Variants in KANSL1 observed in about 807,000 individuals in gnomAD.
The protein encoded by KANSL1 is KAT8 regulatory NSL complex subunit 1.
Under a neutral mutation model 103.6 loss-of-function variants are expected in KANSL1, and 22 were observed. The ratio of observed to expected loss-of-function variants is 0.21; its 90% CI spans 0.15 to 0.30. KANSL1 has a LOEUF of 0.30. Among genes scored for constraint, KANSL1 ranks in the 10% least tolerant of loss-of-function variants. The probability of loss-of-function intolerance (pLI) is 1.00; values close to 1 mark genes in which losing one functional copy is unlikely to be tolerated. For synonymous variants in KANSL1, 600 were observed against 527.6 expected, an observed-to-expected ratio of 1.14 and a Z score of -1.88; for missense variants, 1,337 against 1,399.8, an observed-to-expected ratio of 0.96 and a Z score of 0.72.
intron 2 of KANSL1, among the ~76,000 whole-genome samples, chr17:46,160,977 A>T (rs1056978311): frequency 1.3e-5 from 2 of 152,214 alleles, no homozygotes; most frequent in Non-Finnish European, 2.9e-5. Context: ...TATCTATCTC[A>T]TTGTACTGTT....
In KANSL1 at chr17:46,094,800, G is replaced by A. The variant is rs146462740; in HGVS notation, c.1290-99C>T. 4,599 of 1,388,088 alleles carry A rather than the reference G, an allele frequency of 3.3e-3. 61 individuals are homozygous for A. The East Asian group carries it at 0.039, about 12-fold the overall frequency. The allele number at this position is 1,388,088 out of a possible 1,614,324, so 86.0% of individuals were successfully genotyped here. Reference sequence around the variant, plus strand: ...AATTTAACTTTTAAAGGCCCTTGCAGAGACTAACTCTAGTGTCAAGAAAAA... The same window carrying A: ...AATTTAACTTTTAAAGGCCCTTGCAAAGACTAACTCTAGTGTCAAGAAAAA... On this transcript the variant is annotated intron_variant, in intron 2 of 14. Coordinates refer to ENST00000432791, the MANE Select transcript of KANSL1 (RefSeq NM_015443.4).
At chr17:46,175,295 G>A (rs984861304) in intron 1 of KANSL1, among the ~76,000 whole-genome samples, 27 of 149,588 alleles carry the variant, frequency 1.8e-4, no homozygotes, top group Non-Finnish European at 3.5e-4. Flanking sequence ...CATATGGGTC[G>A]AATCTGTCTT....
At chr17:46,060,927 C>A (rs978505758) in intron 6 of KANSL1, among the ~76,000 whole-genome samples, 3 of 152,118 alleles carry the variant, frequency 2.0e-5, no homozygotes, top group Admixed American at 6.5e-5. Flanking sequence ...AGCAATCCCC[C>A]CTATGACAAC....
chr17:46,135,695 CTTTTTTTTTTTTT>C (rs35094789), intron 2 of KANSL1, among the ~76,000 whole-genome samples: 28 of 84,424 alleles, frequency 3.3e-4, no homozygotes, highest in Admixed American at 1.4e-3. Flanking sequence ...CCATGCCTGG[CTTTTTTTTTTTTT>C]TTTTTTTTTT....
At chr17:46,134,258 G>A (rs147735580) in intron 2 of KANSL1, among the ~76,000 whole-genome samples, 34 of 152,172 alleles carry the variant, frequency 2.2e-4, no homozygotes, top group Admixed American at 2.0e-3. Context: ...CTAGCTGAGC[G>A]TGGTGGCAGG....
chr17:46,190,367 G>C (rs1597927662), intron 1 of KANSL1, among the ~76,000 whole-genome samples: 1 of 152,204 alleles, frequency 6.6e-6, no homozygotes, highest in East Asian at 1.9e-4. Context: ...AACATGTGTA[G>C]GCAGGAAGAA....
At chr17:46,126,479 C>G (rs927701268) in intron 2 of KANSL1, among the ~76,000 whole-genome samples, 4 of 148,106 alleles carry the variant, frequency 2.7e-5, no homozygotes, top group Non-Finnish European at 6.1e-5. Flanking sequence ...CACTAGACCA[C>G]ACTGCTTTTC....
intron 6 of KANSL1, among the ~76,000 whole-genome samples, chr17:46,051,651 C>T (rs1373497987): frequency 6.6e-6 from 1 of 152,130 alleles, no homozygotes; most frequent in African/African-American, 2.4e-5. Flanking sequence ...ACACACAGCC[C>T]CAGAAAAAGA....
chr17:46,173,432 C>T, intron 1 of KANSL1, among the ~76,000 whole-genome samples: 1 of 152,322 alleles, frequency 6.6e-6, no homozygotes, highest in Middle Eastern at 3.4e-3. Flanking sequence ...CTAAAAATCT[C>T]AGTCATTTGC....
At chr17:46,047,913 C>G in intron 7 of KANSL1, among the ~76,000 whole-genome samples, 1 of 91,796 alleles carries the variant, frequency 1.1e-5, no homozygotes, top group African/African-American at 5.3e-5. Context: ...CTTCCCCACT[C>G]CCCCCGCCAC....
chr17:46,045,707 T>C (rs537057827), intron 7 of KANSL1: 6 of 152,216 alleles, frequency 3.9e-5, no homozygotes, highest in African/African-American at 1.4e-4. Flanking sequence ...GCAGCATTCA[T>C]GTCAGATCTA....
At chr17:46,045,477 T>A (rs946076400) in intron 7 of KANSL1, 2 of 151,258 alleles carry the variant, frequency 1.3e-5, no homozygotes, top group Non-Finnish European at 3.0e-5. Flanking sequence ...AAGGAGAATT[T>A]AATGACCAAC....
chr17:46,214,938 A>G (rs2048294508), intron 1 of KANSL1: 1 of 152,284 alleles, frequency 6.6e-6, no homozygotes, highest in Non-Finnish European at 1.5e-5. Context: ...CAGAATAAAA[A>G]TGTTTCTCAT....
chr17:46,108,579 C>A (rs1046730554), intron 2 of KANSL1, among the ~76,000 whole-genome samples: 5 of 152,134 alleles, frequency 3.3e-5, no homozygotes, highest in Non-Finnish European at 7.4e-5. Context: ...AGATTTTTGT[C>A]TTGTTCACCA....
intron 7 of KANSL1, chr17:46,044,824 C>T (rs1414206809): frequency 6.6e-6 from 1 of 152,184 alleles, no homozygotes; most frequent in African/African-American, 2.4e-5. Context: ...TGAAAAGCAG[C>T]AGTTGGTTGT....
chr17:46,140,918 T>C (rs767550486), intron 2 of KANSL1, among the ~76,000 whole-genome samples: 1 of 152,162 alleles, frequency 6.6e-6, no homozygotes, highest in Non-Finnish European at 1.5e-5. Flanking sequence ...CAAATATCGC[T>C]CATGGTAATA....
In KANSL1 at chr17:46,134,589, C is replaced by T. The variant is rs189886015; in HGVS notation, c.1289+36266G>A. 5.7e-3 allele frequency among the ~76,000 whole-genome samples: 873 copies of T among 152,084 alleles called. 10 individuals are homozygous for T. The highest frequency in any genetic ancestry group is 0.02 in the African/African-American group (816 of 41,438). On this transcript the variant is annotated intron_variant, in intron 2 of 14. Coordinates refer to ENST00000432791, the MANE Select transcript of KANSL1 (RefSeq NM_015443.4). The stretch of plus-strand genomic sequence containing the variant: ...GTGTGGTGGCTCATGCCTGTAATCC[C>T]AGCACTTTGGGAGGCCGAGGCAGGT...
At chr17:46,072,136 A>T (rs995634826) in intron 4 of KANSL1, among the ~76,000 whole-genome samples, 7 of 152,174 alleles carry the variant, frequency 4.6e-5, no homozygotes, top group African/African-American at 1.7e-4. Context: ...GAGGCCTTGA[A>T]TGAAAAGCTA....
chr17:46,087,559 AACAG>A (rs2079213256), intron 3 of KANSL1, among the ~76,000 whole-genome samples: 2 of 152,230 alleles, frequency 1.3e-5, no homozygotes, highest in Non-Finnish European at 2.9e-5. Flanking sequence ...TCTAGCCTTG[AACAG>A]ACAAAGAGAC....
Sources: gnomAD v4.1 joint callset for allele counts (sites outside exome capture counted in the v4.1 genomes callset) on GRCh38, gnomAD v4.1.1 for gene constraint, MANE v1.5 for transcripts, NCBI Gene and HGNC (gene_info 2026-07-23, HGNC 2026-07-21) for gene names.